PPIG: variants seen among roughly 807,000 people sequenced by gnomAD.
PPIG encodes peptidylprolyl isomerase G.
PPIG carries 26 observed loss-of-function variants against 87.9 expected under a neutral mutation model. The observed-to-expected ratio is 0.30, with a 90% confidence interval of 0.22 to 0.41. The LOEUF (loss-of-function observed/expected upper bound fraction) is 0.41, where lower values mean the gene tolerates loss of function less well. Among genes scored for constraint, PPIG ranks in the 10% least tolerant of loss-of-function variants. PPIG has a pLI of 1.00. For synonymous variants in PPIG, 308 were observed against 276.5 expected (o/e 1.11, Z -1.13); for missense variants, 722 against 879.4 (o/e 0.82, Z 2.26).
In PPIG at chr2:169,612,011, T is replaced by G. The variant is rs527283007; in HGVS notation, c.378-2453T>G. Among the ~76,000 whole-genome samples the G allele has an allele frequency of 6.2e-4, 95 of 152,356 alleles. 1 individual carries two copies. The highest frequency in any genetic ancestry group is 2.2e-3 in the African/African-American group (92 of 41,586). On this transcript the variant is annotated intron_variant, in intron 7 of 13. Coordinates refer to ENST00000260970, the MANE Select transcript of PPIG (RefSeq NM_004792.3). ...ATTTATTTGAGACAGAGTCTTGCTC[T>G]GTTGCCCAAGCTAGAGTGCAGTGGC... is the stretch of plus-strand genomic sequence containing the variant.
intron 9 of PPIG, among the ~76,000 whole-genome samples, chr2:169,623,930 C>T (rs1215182853): frequency 6.6e-6 from 1 of 151,922 alleles, no homozygotes; most frequent in East Asian, 1.9e-4. Context: ...ATTTTGTTAC[C>T]TTAGGTTTTT....
At chr2:169,591,748 G>A (rs994738387) in intron 1 of PPIG, among the ~76,000 whole-genome samples, 1 of 149,496 alleles carries the variant, frequency 6.7e-6, no homozygotes, top group African/African-American at 2.5e-5. Flanking sequence ...GCTGATTGCT[G>A]TGTAGAAATG....
At chr2:169,622,246 C>T (rs1245584852) in intron 9 of PPIG, among the ~76,000 whole-genome samples, 1 of 152,036 alleles carries the variant, frequency 6.6e-6, no homozygotes, top group Admixed American at 6.6e-5. Flanking sequence ...CATGGTGAAA[C>T]CCTGTCTCTA....
intron 9 of PPIG, among the ~76,000 whole-genome samples, chr2:169,616,597 G>A (rs1685615190): frequency 6.6e-6 from 1 of 152,174 alleles, no homozygotes; most frequent in South Asian, 2.1e-4. Flanking sequence ...AATGACCAGT[G>A]ATGATGAGCT....
At chr2:169,602,556 C>T (rs1000701422) in intron 1 of PPIG, among the ~76,000 whole-genome samples, 111 of 152,284 alleles carry the variant, frequency 7.3e-4, no homozygotes, top group Non-Finnish European at 4.1e-4. Flanking sequence ...CCCTGATCCG[C>T]CCGCCTCAGC....
In PPIG at chr2:169,637,730, G is replaced by A. The variant is rs763188588; in HGVS notation, c.*207G>A. On this transcript the variant is annotated 3_prime_UTR_variant, in exon 14 of 14. Transcript: ENST00000260970. ...GTACTGCTAAAGTTTTAATAAACTC[G>A]ACATGAGAAAAACACTTTGGTGTAG... 7.8e-6 allele frequency: 4 copies of A among 515,016 alleles called. No homozygotes were observed. Among genetic ancestry groups the A allele is most frequent in the Non-Finnish European group, 1.3e-5 (4 of 306,220 alleles). The allele number at this position is 515,016 out of a possible 1,614,324, so 31.9% of individuals were successfully genotyped here.
chr2:169,597,500 T>C (rs1368756200), intron 1 of PPIG, among the ~76,000 whole-genome samples: 1 of 115,986 alleles, frequency 8.6e-6, no homozygotes, highest in Admixed American at 1.1e-4. Flanking sequence ...TCCTTTTCTT[T>C]TCTTTTTTTT....
intron 11 of PPIG, among the ~76,000 whole-genome samples, chr2:169,632,703 G>GTGC (rs2105520778): frequency 6.6e-6 from 1 of 151,814 alleles, no homozygotes; most frequent in Admixed American, 6.6e-5. Context: ...CGAGATCACG[G>GTGC]CACTGCACTC....
chr2:169,593,652 T>G (rs80173688), intron 1 of PPIG, among the ~76,000 whole-genome samples: 1 of 46,560 alleles, frequency 2.1e-5, no homozygotes, highest in African/African-American at 7.0e-5. Flanking sequence ...CTTTATATCT[T>G]TTTTTTTTTT....
At chr2:169,616,337 A>C (rs1325459756) in intron 9 of PPIG, among the ~76,000 whole-genome samples, 1 of 152,118 alleles carries the variant, frequency 6.6e-6, no homozygotes. Context: ...TAGAAGAATG[A>C]TTTATAATCT....
intron 13 of PPIG, 25 bp downstream of exon 13, chr2:169,636,253 AAATGT>A: frequency 6.4e-7 from 1 of 1,569,688 alleles, no homozygotes; most frequent in Non-Finnish European, 8.6e-7. Context: ...TTATTATTTC[AAATGT>A]AATGATAAGT....
chr2:169,614,442 T>C (rs1685562637), intron 7 of PPIG, 22 bp from the exon 8 acceptor site: 1 of 1,533,564 alleles, frequency 6.5e-7, no homozygotes. Flanking sequence ...TTTTTATTCT[T>C]CTATCTGATG....
intron 9 of PPIG, among the ~76,000 whole-genome samples, chr2:169,620,324 TTGAAGAGAC>T (rs1288115528): frequency 6.6e-6 from 1 of 152,194 alleles, no homozygotes. Flanking sequence ...ACACCGTTTA[TTGAAGAGAC>T]TGTCCTTTCC....
At chr2:169,611,040 C>G (rs1157528339) in intron 7 of PPIG, among the ~76,000 whole-genome samples, 3 of 152,080 alleles carry the variant, frequency 2.0e-5, no homozygotes, top group African/African-American at 7.2e-5. Context: ...GAAACCCAGT[C>G]TCTACTAAAA....
chr2:169,639,477 A>G lies in PPIG; in HGVS notation c.*1954A>G, dbSNP rs1686263324. The G allele has an allele frequency of 6.6e-6, 1 of 152,076 alleles. No homozygotes were observed. 9.4% of individuals were successfully genotyped at this position (152,076 alleles called of 1,614,324 possible). On this transcript the variant is annotated 3_prime_UTR_variant, in exon 14 of 14. Coordinates refer to ENST00000260970, the MANE Select transcript of PPIG (RefSeq NM_004792.3). ...ACATGTTGTCTGATCCCAGAGCTTT[A>G]TCTACTAAAAATTATACATAAGGAT...
At chr2:169,629,363 T>A (rs1174737929) in intron 9 of PPIG, among the ~76,000 whole-genome samples, 1 of 152,222 alleles carries the variant, frequency 6.6e-6, no homozygotes, top group Non-Finnish European at 1.5e-5. Context: ...ACATACACAT[T>A]CCTAAATACT....
chr2:169,585,944 G>T (rs935015626), intron 1 of PPIG, among the ~76,000 whole-genome samples: 2 of 151,706 alleles, frequency 1.3e-5, no homozygotes, highest in African/African-American at 4.9e-5. Context: ...AATGACGGGT[G>T]GGGGGGTGAA....
chr2:169,631,602 G>A, intron 10 of PPIG, 164 bp from the exon 11 acceptor site: 1 of 1,399,506 alleles, frequency 7.1e-7, no homozygotes, highest in Non-Finnish European at 9.2e-7. Context: ...TGGTTAGTTG[G>A]TTTGTCAGAG....
intron 1 of PPIG, chr2:169,584,764 C>G (rs368068600): frequency 2.9e-5 from 9 of 311,660 alleles, no homozygotes; most frequent in African/African-American, 1.6e-4. Flanking sequence ...GCCCTCCCCA[C>G]TCAGGCGCAC....
Sources: gnomAD v4.1 joint callset for allele counts (sites outside exome capture counted in the v4.1 genomes callset) on GRCh38, gnomAD v4.1.1 for gene constraint, MANE v1.5 for transcripts, NCBI Gene and HGNC (gene_info 2026-07-23, HGNC 2026-07-21) for gene names.